Variants in CSMD3 observed in about 807,000 individuals in gnomAD.
CSMD3 encodes the protein CUB and sushi domain-containing protein 3.
A neutral mutation model predicts 435.2 loss-of-function variants in CSMD3; 177 were observed. The ratio of observed to expected loss-of-function variants is 0.41; its 90% CI spans 0.36 to 0.46. The LOEUF is 0.46. Among genes scored for constraint, CSMD3 ranks in the 20% least tolerant of loss-of-function variants. The probability of loss-of-function intolerance (pLI) is 0.34; values close to 1 mark genes in which losing one functional copy is unlikely to be tolerated. For synonymous variants in CSMD3, 1,656 were observed against 1,520.5 expected (o/e 1.09, Z -2.07); for missense variants, 4,265 against 4,504.6 (o/e 0.95, Z 1.52).
chr8:113,052,786 T>C (rs1375992301), intron 5 of CSMD3, among the ~76,000 whole-genome samples: 1 of 152,152 alleles, frequency 6.6e-6, no homozygotes, highest in Non-Finnish European at 1.5e-5. Flanking sequence ...AAAAAGATAA[T>C]AGTGACCTCT....
At chr8:112,735,669 G>C (rs536190977) in intron 13 of CSMD3, among the ~76,000 whole-genome samples, 1 of 152,062 alleles carries the variant, frequency 6.6e-6, no homozygotes, top group East Asian at 1.9e-4. Flanking sequence ...CTTGAGATCA[G>C]CTATCCCTTT....
chr8:113,119,892 T>G (rs959153605), intron 4 of CSMD3, among the ~76,000 whole-genome samples: 1 of 152,106 alleles, frequency 6.6e-6, no homozygotes, highest in African/African-American at 2.4e-5. Context: ...ATAACATTTC[T>G]ATTGCATTTT....
chr8:113,115,844 G>A (rs1368223538), intron 4 of CSMD3, among the ~76,000 whole-genome samples: 2 of 152,160 alleles, frequency 1.3e-5, no homozygotes, highest in Non-Finnish European at 2.9e-5. Context: ...CAATTGCTTA[G>A]GACAGGGGGC....
At chr8:112,638,565 G>A (rs554668805) in intron 21 of CSMD3, 131 bp downstream of exon 21, 1 of 665,732 alleles carries the variant, frequency 1.5e-6, no homozygotes, top group African/African-American at 1.8e-5. Flanking sequence ...ATACTACTTT[G>A]CTTTCTTCTT....
chr8:112,651,533 C>T (rs1164318533), intron 18 of CSMD3, among the ~76,000 whole-genome samples: 1 of 151,218 alleles, frequency 6.6e-6, no homozygotes, highest in Non-Finnish European at 1.5e-5. Context: ...TTTCTAAGCA[C>T]CCAGTGCATT....
intron 10 of CSMD3, among the ~76,000 whole-genome samples, chr8:112,916,895 G>A (rs919045123): frequency 4.0e-5 from 6 of 151,878 alleles, no homozygotes; most frequent in African/African-American, 1.2e-4. Context: ...ACTGAGAAGA[G>A]GAATAATATA....
intron 32 of CSMD3, among the ~76,000 whole-genome samples, chr8:112,414,007 G>A (rs969651679): frequency 6.6e-6 from 1 of 152,076 alleles, no homozygotes; most frequent in Non-Finnish European, 1.5e-5. Context: ...AGTACTGTTA[G>A]GGTGGTTTGG....
chr8:113,280,448 C>A (rs1474329847), intron 2 of CSMD3, among the ~76,000 whole-genome samples: 1 of 151,762 alleles, frequency 6.6e-6, no homozygotes, highest in African/African-American at 2.4e-5. Context: ...AGTTTATGTG[C>A]GTAGAGGTGT....
At chr8:113,431,993 C>T (rs147063371) in intron 1 of CSMD3, among the ~76,000 whole-genome samples, 26 of 152,212 alleles carry the variant, frequency 1.7e-4, no homozygotes, top group African/African-American at 6.3e-4. Context: ...AGCCTTTGCT[C>T]CTGGAGTACT....
At chr8:112,942,717 G>C (rs887695968) in intron 9 of CSMD3, among the ~76,000 whole-genome samples, 2 of 151,766 alleles carry the variant, frequency 1.3e-5, no homozygotes, top group African/African-American at 4.8e-5. Flanking sequence ...CTTGAGGTTG[G>C]AGGGTGAGAG....
intron 13 of CSMD3, among the ~76,000 whole-genome samples, chr8:112,776,755 A>T (rs1041781196): frequency 2.0e-5 from 3 of 151,758 alleles, no homozygotes; most frequent in Non-Finnish European, 4.4e-5. Context: ...AATGACCATT[A>T]TATTGTTTCC....
At chr8:112,975,716 G>A in intron 7 of CSMD3, 121 bp downstream of exon 7, 2 of 1,480,936 alleles carry the variant, frequency 1.4e-6, no homozygotes, top group Non-Finnish European at 9.2e-7. Flanking sequence ...CAGCTACTTT[G>A]AACTTTTTCT....
At chr8:112,812,638 C>T (rs193179366) in intron 12 of CSMD3, among the ~76,000 whole-genome samples, 60 of 152,228 alleles carry the variant, frequency 3.9e-4, no homozygotes, top group African/African-American at 1.3e-3. Context: ...TCTGAGGAGG[C>T]AAGAATTGAG....
chr8:112,770,072 AT>A (rs1241861585), intron 13 of CSMD3, among the ~76,000 whole-genome samples: 2 of 152,082 alleles, frequency 1.3e-5, no homozygotes, highest in Non-Finnish European at 2.9e-5. Flanking sequence ...TATTGCAAAT[AT>A]CTTGAAATAC....
At chr8:113,398,118 C>T (rs1211419010) in intron 1 of CSMD3, among the ~76,000 whole-genome samples, 1 of 152,132 alleles carries the variant, frequency 6.6e-6, no homozygotes, top group Admixed American at 6.5e-5. Flanking sequence ...ATTGGAAACT[C>T]TCCCCATCCC....
intron 22 of CSMD3, among the ~76,000 whole-genome samples, chr8:112,634,209 A>G (rs1002919805): frequency 2.0e-5 from 3 of 152,000 alleles, no homozygotes; most frequent in Non-Finnish European, 4.4e-5. Flanking sequence ...GCTACAAATA[A>G]CATGCATTTT....
At chr8:112,960,464 G>A (rs2084186068) in intron 7 of CSMD3, among the ~76,000 whole-genome samples, 1 of 151,636 alleles carries the variant, frequency 6.6e-6, no homozygotes, top group South Asian at 2.1e-4. Context: ...AGTGACTAGA[G>A]GTATCCTGCA....
At chr8:113,045,134 A>G (rs2087775272) in intron 5 of CSMD3, among the ~76,000 whole-genome samples, 1 of 149,156 alleles carries the variant, frequency 6.7e-6, no homozygotes, top group South Asian at 2.1e-4. Context: ...AAAGTCCAGT[A>G]TCCATACACT....
At chr8:113,242,853 CAATT>C (rs1288611426) in intron 3 of CSMD3, among the ~76,000 whole-genome samples, 1 of 151,756 alleles carries the variant, frequency 6.6e-6, no homozygotes, top group East Asian at 1.9e-4. Context: ...TCACGATTCT[CAATT>C]AATATTTACT....
Sources: gnomAD v4.1 joint callset for allele counts (sites outside exome capture counted in the v4.1 genomes callset) on GRCh38, gnomAD v4.1.1 for gene constraint, MANE v1.5 for transcripts, NCBI Gene and HGNC (gene_info 2026-07-23, HGNC 2026-07-21) for gene names.